Variants in C12orf56 observed in about 807,000 individuals in gnomAD.
C12orf56 encodes uncharacterized protein C12orf56.
A neutral mutation model predicts 69.9 loss-of-function variants in C12orf56; 71 were observed. The ratio of observed to expected loss-of-function variants is 1.02; its 90% CI spans 0.84 to 1.24. C12orf56 has a LOEUF of 1.24. Ranked by LOEUF, C12orf56 falls within the 50% of genes most tolerant of loss-of-function variation. The pLI is 0.00. For missense variants in C12orf56, 732 were observed against 738.5 expected (o/e 0.99, Z 0.10); for synonymous variants, 276 against 274.1 (o/e 1.01, Z -0.07).
At chr12:64,280,505 C>A (rs2038107444) in intron 8 of C12orf56, among the ~76,000 whole-genome samples, 1 of 152,098 alleles carries the variant, frequency 6.6e-6, no homozygotes. Flanking sequence ...TGGTACAAAC[C>A]CTATCAAATT....
intron 6 of C12orf56, among the ~76,000 whole-genome samples, chr12:64,303,233 C>A (rs1427652272): frequency 1.3e-5 from 2 of 151,582 alleles, no homozygotes; most frequent in African/African-American, 4.8e-5. Context: ...GAGATCGTGC[C>A]ATTGCACTCC....
At chr12:64,324,454 G>A (rs2038812450) in intron 3 of C12orf56, among the ~76,000 whole-genome samples, 1 of 152,204 alleles carries the variant, frequency 6.6e-6, no homozygotes, top group Non-Finnish European at 1.5e-5. Context: ...CTGGGATGAG[G>A]ACATTTAAGC....
At chr12:64,267,545 A>G (rs1479738383) in intron 12 of C12orf56, 1 of 443,642 alleles carries the variant, frequency 2.3e-6, no homozygotes, top group East Asian at 4.5e-5. Flanking sequence ...TCACCACAGT[A>G]TGAGCAGAGG....
At chr12:64,285,648 C>T (rs552138486) in intron 7 of C12orf56, among the ~76,000 whole-genome samples, 3 of 152,104 alleles carry the variant, frequency 2.0e-5, no homozygotes, top group Admixed American at 6.6e-5. Context: ...ATTAGCCAGG[C>T]GTGGTGGCGT....
chr12:64,315,931 CAA>C (rs1447522554), intron 4 of C12orf56, among the ~76,000 whole-genome samples: 17 of 61,208 alleles, frequency 2.8e-4, no homozygotes, highest in Admixed American at 7.7e-4. Context: ...AACTCCACCT[CAA>C]AAAAAAAAAA....
rs1031145753 is a variant in C12orf56, at chr12:64,374,552, CT to C, written c.252+15761del. Among the ~76,000 whole-genome samples, 70 of 146,038 alleles carry C rather than the reference CT, an allele frequency of 4.8e-4. 1 individual carries two copies. Among genetic ancestry groups the C allele is most frequent in the Admixed American group, 1.2e-3 (18 of 14,644 alleles). On this transcript the variant is annotated intron_variant, in intron 1 of 12. Coordinates refer to ENST00000543942, the MANE Select transcript of C12orf56 (RefSeq NM_001170633.2). ...ACTTTTTTTTCCAACTTTTTTTTTT[CT>C]TTTTTTTTCCGAGATGGAGTCTCGC...
At chr12:64,365,889 G>A (rs1289995443) in intron 1 of C12orf56, among the ~76,000 whole-genome samples, 1 of 133,718 alleles carries the variant, frequency 7.5e-6, no homozygotes, top group African/African-American at 2.9e-5. Flanking sequence ...TATATATAGT[G>A]TATATATTAT....
intron 1 of C12orf56, among the ~76,000 whole-genome samples, chr12:64,376,139 A>C (rs114387270): frequency 0.047 from 7,127 of 152,254 alleles, 559 homozygotes; most frequent in African/African-American, 0.16. Context: ...ACAATGTCCG[A>C]CTGCGCATCA....
chr12:64,308,054 C>T (rs777199578), intron 5 of C12orf56, among the ~76,000 whole-genome samples: 2 of 151,044 alleles, frequency 1.3e-5, no homozygotes, highest in Non-Finnish European at 2.9e-5. Context: ...CGCGGTGGCT[C>T]GTGCCTGTAA....
chr12:64,344,454 T>G (rs116683836), intron 2 of C12orf56, among the ~76,000 whole-genome samples: 2,870 of 152,304 alleles, frequency 0.019, 87 homozygotes, highest in African/African-American at 0.065. Flanking sequence ...AACACCGTGG[T>G]TAATTAGCCA....
chr12:64,303,646 G>C lies in C12orf56; in HGVS notation c.1102C>G (p.Leu368Val). 1.3e-6 allele frequency: 2 copies of C among 1,553,936 alleles called. No individual in the cohort carries two copies. The highest frequency in any genetic ancestry group is 1.7e-6 in the Non-Finnish European group (2 of 1,152,422). ...AAQKNFILKR[L>V]FWKTSDLFYF... ...AACAAAACACTTACCTTCCAGAAAA[G>C]CCTTTTCAGAATGAAGTTTTTCTGG... The change falls in exon 6 of 13, where the codon CTT becomes GTT. Residue 368 changes from leucine to valine, a missense_variant. Coordinates refer to ENST00000543942, the MANE Select transcript of C12orf56 (RefSeq NM_001170633.2).
Position 64,282,766 on chromosome 12 carries a change from T to TAAAA in C12orf56, c.1310+1894_1310+1897dup, listed in dbSNP as rs779672242. On this transcript the variant is annotated intron_variant, in intron 8 of 12. Transcript: ENST00000543942. The stretch of plus-strand genomic sequence containing the variant: ...GCCTGGATGAGAGTGAAACCCTATC[T>TAAAA]AAAAAAAAAAAAAGAAAAGAAAAAA... Among the ~76,000 whole-genome samples, 3 of 123,572 alleles carry TAAAA rather than the reference T, an allele frequency of 2.4e-5. No homozygotes were observed. In the East Asian group the frequency reaches 6.9e-4, roughly 28 times the overall value. 81.1% of individuals were successfully genotyped at this position (123,572 alleles called of 152,430 possible).
At chr12:64,343,942 CT>C (rs1293375648) in intron 2 of C12orf56, among the ~76,000 whole-genome samples, 1 of 152,142 alleles carries the variant, frequency 6.6e-6, no homozygotes, top group African/African-American at 2.4e-5. Flanking sequence ...CTGTCTGGCA[CT>C]GGGGAAATGA....
At chr12:64,341,873 G>C (rs1406066670) in intron 2 of C12orf56, among the ~76,000 whole-genome samples, 1 of 152,142 alleles carries the variant, frequency 6.6e-6, no homozygotes, top group Admixed American at 6.5e-5. Context: ...AGCCAGATCA[G>C]CTTTGGTGAG....
chr12:64,379,487 G>A lies in C12orf56; in HGVS notation c.252+10827C>T, dbSNP rs532040327. 1.8e-4 allele frequency among the ~76,000 whole-genome samples: 28 copies of A among 151,628 alleles called. 1 individual carries two copies. In the South Asian group the frequency reaches 3.8e-3, roughly 20 times the overall value. On this transcript the variant is annotated intron_variant, in intron 1 of 12. Transcript: ENST00000543942. ...TTTTTTAGTAGAGACGGGATTTCAC[G>A]GTGTTATCCAGGATGGTCTCAATCT... is the stretch of plus-strand genomic sequence containing the variant.
At chr12:64,286,936 T>G (rs2038210354) in intron 6 of C12orf56, among the ~76,000 whole-genome samples, 1 of 151,960 alleles carries the variant, frequency 6.6e-6, no homozygotes. Context: ...TGCTTGGGAT[T>G]TGAAAGAAGG....
intron 3 of C12orf56, among the ~76,000 whole-genome samples, chr12:64,323,943 T>C (rs1301753297): frequency 6.6e-6 from 1 of 152,214 alleles, no homozygotes; most frequent in Non-Finnish European, 1.5e-5. Context: ...TGGATGCCTA[T>C]TCCTAGAACT....
chr12:64,373,724 G>T (rs971552269), intron 1 of C12orf56, among the ~76,000 whole-genome samples: 3 of 152,184 alleles, frequency 2.0e-5, no homozygotes, highest in Non-Finnish European at 4.4e-5. Context: ...GTATTTCAAA[G>T]AATCTAAAAG....
rs56135769 is a variant in C12orf56 at position 64,369,157 on chromosome 12, C to CAAA, written c.253-16104_253-16102dup. Among the ~76,000 whole-genome samples the CAAA allele has an allele frequency of 1.1e-3, 149 of 136,938 alleles. 1 individual carries two copies. The highest frequency in any genetic ancestry group is 3.4e-3 in the African/African-American group (125 of 36,910). The allele number at this position is 136,938 out of a possible 152,430, so 89.8% of individuals were successfully genotyped here. On this transcript the variant is annotated intron_variant, in intron 1 of 12. Transcript: ENST00000543942. The stretch of plus-strand genomic sequence containing the variant: ...ACCATAGTGAGATCCCATCTCTCTA[C>CAAA]AAAAAAAAAAAAAAGAATACTTAGG...
Sources: gnomAD v4.1 joint callset for allele counts (sites outside exome capture counted in the v4.1 genomes callset) on GRCh38, gnomAD v4.1.1 for gene constraint, MANE v1.5 for transcripts, NCBI Gene and HGNC (gene_info 2026-07-23, HGNC 2026-07-21) for gene names.